The following SSBP2 variants were observed in gnomAD, a reference collection of about 807,000 sequenced individuals.
The protein encoded by SSBP2 is single stranded DNA binding protein 2.
Under a neutral mutation model 61.8 loss-of-function variants are expected in SSBP2, and 17 were observed. The ratio of observed to expected loss-of-function variants is 0.28; its 90% CI spans 0.19 to 0.41. The LOEUF is 0.41. Among genes scored for constraint, SSBP2 ranks in the 10% least tolerant of loss-of-function variants. The pLI is 1.00. For missense variants in SSBP2, 310 were observed against 458.7 expected (o/e 0.68, Z 2.96); for synonymous variants, 139 against 141.3 (o/e 0.98, Z 0.12).
chr5:81,533,066 A>G (rs962805447), intron 4 of SSBP2, among the ~76,000 whole-genome samples: 2 of 151,992 alleles, frequency 1.3e-5, no homozygotes, highest in African/African-American at 4.8e-5. Flanking sequence ...CTACACTCAT[A>G]AATAGCAGAA....
chr5:81,475,514 C>T (rs1765527649), intron 6 of SSBP2, among the ~76,000 whole-genome samples: 1 of 152,026 alleles, frequency 6.6e-6, no homozygotes, highest in Non-Finnish European at 1.5e-5. Context: ...TTCTTGAGAT[C>T]CTACTACATT....
intron 4 of SSBP2, among the ~76,000 whole-genome samples, chr5:81,525,258 T>G (rs1474385540): frequency 6.6e-6 from 1 of 151,884 alleles, no homozygotes; most frequent in African/African-American, 2.4e-5. Flanking sequence ...AGGGGTTTGT[T>G]GTACAAATTA....
intron 1 of SSBP2, among the ~76,000 whole-genome samples, chr5:81,744,980 G>C (rs1757259254): frequency 6.6e-6 from 1 of 152,056 alleles, no homozygotes. Context: ...TTTGAGTCCA[G>C]ATGAATTTTT....
chr5:81,526,676 T>A (rs946055411), intron 4 of SSBP2, among the ~76,000 whole-genome samples: 1 of 152,036 alleles, frequency 6.6e-6, no homozygotes, highest in Non-Finnish European at 1.5e-5. Context: ...TTGAATTCAT[T>A]ATTTTCATTA....
chr5:81,575,231 G>A (rs546505463), intron 4 of SSBP2, among the ~76,000 whole-genome samples: 1 of 152,316 alleles, frequency 6.6e-6, no homozygotes, highest in African/African-American at 2.4e-5. Flanking sequence ...TCACGCTACT[G>A]CACTCCAGCC....
intron 1 of SSBP2, among the ~76,000 whole-genome samples, chr5:81,678,247 T>A (rs1406078042): frequency 6.6e-6 from 1 of 152,072 alleles, no homozygotes; most frequent in African/African-American, 2.4e-5. Flanking sequence ...CTAGAGACCA[T>A]AAACACTGTA....
In SSBP2 at chr5:81,454,487, C is replaced by T. The variant is rs532371611; in HGVS notation, c.688-5662G>A. On this transcript the variant is annotated intron_variant, in intron 10 of 16. Coordinates refer to ENST00000320672, the MANE Select transcript of SSBP2 (RefSeq NM_012446.5). The stretch of plus-strand genomic sequence containing the variant: ...CCTGAGGTCAGGAATTCGAGACCAG[C>T]GTGGCCAACACGGTGAAACCTTGTC... Among the ~76,000 whole-genome samples the T allele has an allele frequency of 4.6e-5, 7 of 152,232 alleles. No individual in the cohort carries two copies. In the South Asian group the frequency reaches 6.2e-4, roughly 14 times the overall value.
At chr5:81,468,913 T>C (rs1765066740) in intron 8 of SSBP2, among the ~76,000 whole-genome samples, 1 of 151,966 alleles carries the variant, frequency 6.6e-6, no homozygotes, top group Non-Finnish European at 1.5e-5. Flanking sequence ...TCAGGCATGG[T>C]GGTGGCAGCA....
chr5:81,658,393 C>T (rs1174617972), intron 1 of SSBP2, among the ~76,000 whole-genome samples: 1 of 152,104 alleles, frequency 6.6e-6, no homozygotes, highest in Non-Finnish European at 1.5e-5. Context: ...CTCCAATACC[C>T]CCACAGACAC....
At chr5:81,452,894 T>C (rs1763867752) in intron 10 of SSBP2, among the ~76,000 whole-genome samples, 1 of 151,846 alleles carries the variant, frequency 6.6e-6, no homozygotes, top group South Asian at 2.1e-4. Context: ...ACAAGATACT[T>C]GATCTAGGAT....
intron 10 of SSBP2, among the ~76,000 whole-genome samples, chr5:81,451,805 T>C (rs1381631304): frequency 6.6e-6 from 1 of 151,642 alleles, no homozygotes; most frequent in Non-Finnish European, 1.5e-5. Flanking sequence ...AAAATACTTT[T>C]ACAAATGTTA....
chr5:81,471,801 T>C (rs943918264), intron 8 of SSBP2, among the ~76,000 whole-genome samples: 1 of 151,994 alleles, frequency 6.6e-6, no homozygotes, highest in Non-Finnish European at 1.5e-5. Context: ...TTTGTTCCTC[T>C]TTCCTTGGAA....
At chr5:81,719,989 T>A (rs989599383) in intron 1 of SSBP2, among the ~76,000 whole-genome samples, 1 of 152,086 alleles carries the variant, frequency 6.6e-6, no homozygotes, top group African/African-American at 2.4e-5. Context: ...GTTTTACATA[T>A]GAAAATGCTC....
chr5:81,496,718 T>C (rs533881365), intron 5 of SSBP2, among the ~76,000 whole-genome samples: 1 of 115,002 alleles, frequency 8.7e-6, no homozygotes, highest in East Asian at 2.0e-4. Context: ...TTTTTAAAGT[T>C]TACTACATCC....
At chr5:81,619,502 C>T (rs2153619546) in intron 3 of SSBP2, among the ~76,000 whole-genome samples, 1 of 142,368 alleles carries the variant, frequency 7.0e-6, no homozygotes, top group South Asian at 2.4e-4. Flanking sequence ...CAGATGGATT[C>T]ACAGCCGAAT....
intron 1 of SSBP2, among the ~76,000 whole-genome samples, chr5:81,720,518 T>C (rs1755473451): frequency 6.6e-6 from 1 of 152,208 alleles, no homozygotes; most frequent in East Asian, 1.9e-4. Flanking sequence ...CAAGTTATAC[T>C]ATTAGCTTCT....
At chr5:81,425,286 T>C (rs1053344838) in intron 16 of SSBP2, among the ~76,000 whole-genome samples, 6 of 152,198 alleles carry the variant, frequency 3.9e-5, no homozygotes, top group Non-Finnish European at 8.8e-5. Flanking sequence ...TGATACTTTA[T>C]TTTCTTAGAG....
chr5:81,718,141 A>G (rs952218819), intron 1 of SSBP2, among the ~76,000 whole-genome samples: 1 of 152,206 alleles, frequency 6.6e-6, no homozygotes, highest in Non-Finnish European at 1.5e-5. Flanking sequence ...AAGAAATAAT[A>G]TTTCTTTAAA....
At chr5:81,437,593 A>G (rs1762753050) in intron 14 of SSBP2, 135 bp from the exon 15 acceptor site, 1 of 724,644 alleles carries the variant, frequency 1.4e-6, no homozygotes. Context: ...TAAATCTGAA[A>G]AAATTCCTCT....
Sources: allele counts gnomAD v4.1 joint callset (sites outside exome capture counted in the v4.1 genomes callset), GRCh38; gene constraint gnomAD v4.1.1; transcripts MANE v1.5; gene names NCBI Gene and HGNC (gene_info 2026-07-23, HGNC 2026-07-21).